Variants in ADD2 observed in about 807,000 individuals in gnomAD.
ADD2 encodes the protein beta-adducin.
ADD2 carries 23 observed loss-of-function variants against 83.0 expected under a neutral mutation model. The ratio of observed to expected loss-of-function variants is 0.28; its 90% CI spans 0.20 to 0.39. The LOEUF (loss-of-function observed/expected upper bound fraction) is 0.39. ADD2 is among the 10% of genes least tolerant of loss of function. The pLI, the probability that ADD2 is intolerant of heterozygous loss-of-function variation, is 1.00. For synonymous variants in ADD2, 375 were observed against 375.4 expected (o/e 1.00, Z 0.01); for missense variants, 758 against 944.9 (o/e 0.80, Z 2.59).
chr2:70,692,559 C>G lies in ADD2; in HGVS notation c.556-7G>C, dbSNP rs782750256. On this transcript the variant is annotated splice_polypyrimidine_tract_variant and splice_region_variant and intron_variant, in intron 6 of 15. Coordinates refer to ENST00000264436, the MANE Select transcript of ADD2 (RefSeq NM_001617.4). Reference sequence around the variant, plus strand: ...CCAGAATGTTCACCTTGATCTGCGCCAGGGAAGAAGAGAGACTTATGGCAA... The same window carrying G: ...CCAGAATGTTCACCTTGATCTGCGCGAGGGAAGAAGAGAGACTTATGGCAA... 6.3e-7 allele frequency: 1 copy of G among 1,593,546 alleles called. No individual in the cohort carries two copies. Among genetic ancestry groups the G allele is most frequent in the Non-Finnish European group, 8.5e-7 (1 of 1,170,662 alleles).
chr2:70,761,777 T>G (rs1675117146), intron 1 of ADD2, among the ~76,000 whole-genome samples: 1 of 150,616 alleles, frequency 6.6e-6, no homozygotes, highest in African/African-American at 2.5e-5. Flanking sequence ...GTTCATGCCA[T>G]TCTCCTGCCT....
At chr2:70,743,273 T>C (rs554356706) in intron 1 of ADD2, among the ~76,000 whole-genome samples, 1 of 152,222 alleles carries the variant, frequency 6.6e-6, no homozygotes, top group Non-Finnish European at 1.5e-5. Flanking sequence ...TGTAATTGGA[T>C]AATACATACA....
intron 4 of ADD2, among the ~76,000 whole-genome samples, chr2:70,698,719 AAAT>A (rs1553373087): frequency 6.6e-6 from 1 of 152,176 alleles, no homozygotes; most frequent in East Asian, 1.9e-4. Flanking sequence ...TTTAAAAAGA[AAAT>A]AATATTACAA....
chr2:70,692,445 G>A lies in ADD2; in HGVS notation c.663C>T (p.Asp221=), dbSNP rs782635206. The change falls in exon 7 of 16, where the codon GAC becomes GAT. Residue 221 remains aspartate, a synonymous_variant. Transcript: ENST00000264436. ...TGTGCAGGTGGATGATGCAGCGCACGTCGGGCCTCGCTGCATAGATGGCCG... is the reference window on the plus strand; with the variant it reads ...TGTGCAGGTGGATGATGCAGCGCACATCGGGCCTCGCTGCATAGATGGCCG... ...LHSAIYAARP[D]VRCIIHLHTP... 4.7e-5 allele frequency: 75 copies of A among 1,609,782 alleles called. No individual in the cohort carries two copies. The Admixed American group carries it at 6.9e-4, about 15-fold the overall frequency.
chr2:70,660,155 A>G lies in ADD2; in HGVS notation c.*3270T>C, dbSNP rs1204421364. 7.2e-5 allele frequency: 11 copies of G among 152,240 alleles called. No homozygotes were observed. The highest frequency in any genetic ancestry group is 7.2e-4 in the Admixed American group (11 of 15,290). The allele number at this position is 152,240 out of a possible 1,614,324, so 9.4% of individuals were successfully genotyped here. On this transcript the variant is annotated 3_prime_UTR_variant, in exon 16 of 16. Transcript: ENST00000264436. ...CTGTAGCATTTGGTGCATGTCCTCA[A>G]GCCTGGAGCTAAATGTGCCACATTC...
At chr2:70,735,761 G>A (rs1553380002) in intron 1 of ADD2, among the ~76,000 whole-genome samples, 3 of 145,206 alleles carry the variant, frequency 2.1e-5, no homozygotes, top group East Asian at 2.0e-4. Flanking sequence ...TCACTCCGTC[G>A]CCCAGGCTGG....
chr2:70,757,030 G>A (rs932943704), intron 1 of ADD2, among the ~76,000 whole-genome samples: 1 of 152,152 alleles, frequency 6.6e-6, no homozygotes, highest in Non-Finnish European at 1.5e-5. Context: ...GTTTCACCAA[G>A]TTGGTCAGGC....
chr2:70,708,674 CAT>C (rs1462744343), intron 2 of ADD2, among the ~76,000 whole-genome samples: 4 of 152,210 alleles, frequency 2.6e-5, no homozygotes, highest in African/African-American at 9.6e-5. Flanking sequence ...TGGCCTGGGA[CAT>C]GTTACATTAA....
intron 15 of ADD2, among the ~76,000 whole-genome samples, chr2:70,665,556 G>A (rs1375200342): frequency 6.6e-6 from 1 of 152,040 alleles, no homozygotes; most frequent in Non-Finnish European, 1.5e-5. Flanking sequence ...TTCCCACTTC[G>A]CCTGCTTCCT....
chr2:70,664,810 T>G (rs1362733205), intron 15 of ADD2, among the ~76,000 whole-genome samples: 1 of 151,732 alleles, frequency 6.6e-6, no homozygotes, highest in Non-Finnish European at 1.5e-5. Flanking sequence ...TGTGTAAGTT[T>G]GAGTATGCAA....
In ADD2 at chr2:70,661,985, G is replaced by T. The variant is rs1675552649; in HGVS notation, c.*1440C>A. On this transcript the variant is annotated 3_prime_UTR_variant, in exon 16 of 16. Transcript: ENST00000264436. ...ACCCCCCTCAAAGGATTACTGTGAGGGTTAAAGAATGTAATGTATGTGAAG... is the reference window on the plus strand; with the variant it reads ...ACCCCCCTCAAAGGATTACTGTGAGTGTTAAAGAATGTAATGTATGTGAAG... 6.6e-6 allele frequency: 1 copy of T among 152,168 alleles called. No homozygotes were observed. The highest frequency in any genetic ancestry group is 1.5e-5 in the Non-Finnish European group (1 of 68,030). The allele number at this position is 152,168 out of a possible 1,614,324, so 9.4% of individuals were successfully genotyped here.
At chr2:70,684,023 C>A (rs1670596594) in intron 9 of ADD2, among the ~76,000 whole-genome samples, 1 of 152,170 alleles carries the variant, frequency 6.6e-6, no homozygotes, top group Admixed American at 6.5e-5. Flanking sequence ...AAACAGAGGA[C>A]TGAAAGTTAC....
At chr2:70,753,124 A>G (rs546826122) in intron 1 of ADD2, among the ~76,000 whole-genome samples, 1 of 152,352 alleles carries the variant, frequency 6.6e-6, no homozygotes, top group African/African-American at 2.4e-5. Context: ...ACTGCACAGA[A>G]GAAAAGGAGG....
chr2:70,658,664 G>A lies in ADD2; in HGVS notation c.*4761C>T, dbSNP rs1553364497. 1.3e-5 allele frequency: 2 copies of A among 152,128 alleles called. No individual in the cohort carries two copies. The highest frequency in any genetic ancestry group is 4.8e-5 in the African/African-American group (2 of 41,416). The allele number at this position is 152,128 out of a possible 1,614,324, so 9.4% of individuals were successfully genotyped here. A position where few individuals can be genotyped will look rare whatever the true frequency, so the allele number is the denominator to read the frequency against. ...TCTTAGAGTTCAACTGAGCTCCAGT[G>A]ATGAGAGAGAATGTAAAAAGACCTG... On this transcript the variant is annotated 3_prime_UTR_variant, in exon 16 of 16. Coordinates refer to ENST00000264436, the MANE Select transcript of ADD2 (RefSeq NM_001617.4).
At chr2:70,765,626 T>C (rs1553385870) in intron 1 of ADD2, among the ~76,000 whole-genome samples, 2 of 152,204 alleles carry the variant, frequency 1.3e-5, no homozygotes, top group Non-Finnish European at 2.9e-5. Context: ...GTTTGTTGAG[T>C]GAAGAAGTGT....
At chr2:70,751,120 T>C (rs1239299288) in intron 1 of ADD2, among the ~76,000 whole-genome samples, 2 of 152,224 alleles carry the variant, frequency 1.3e-5, no homozygotes, top group African/African-American at 4.8e-5. Context: ...CTTGGATCAG[T>C]GCCTTATCTT....
Position 70,661,273 on chromosome 2 carries a change from C to T in ADD2, c.*2152G>A, listed in dbSNP as rs1428496985. 6.6e-6 allele frequency: 1 copy of T among 152,208 alleles called. No individual in the cohort carries two copies. The allele number at this position is 152,208 out of a possible 1,614,324, so 9.4% of individuals were successfully genotyped here. A position where few individuals can be genotyped will look rare whatever the true frequency, so the allele number is the denominator to read the frequency against. On this transcript the variant is annotated 3_prime_UTR_variant, in exon 16 of 16. Coordinates refer to ENST00000264436, the MANE Select transcript of ADD2 (RefSeq NM_001617.4). ...TATTATTCTAGTCATAATGATGGCT[C>T]TCTTTCAACGTCAGCATAATGCCTG...
At chr2:70,686,627 A>C (rs1670739389) in intron 9 of ADD2, among the ~76,000 whole-genome samples, 1 of 152,130 alleles carries the variant, frequency 6.6e-6, no homozygotes, top group Admixed American at 6.5e-5. Flanking sequence ...GAAGATAGGG[A>C]GCTCTTAAGA....
At chr2:70,684,361 C>T (rs1558530363) in intron 9 of ADD2, among the ~76,000 whole-genome samples, 2 of 152,208 alleles carry the variant, frequency 1.3e-5, no homozygotes, top group Admixed American at 1.3e-4. Context: ...TATCCTCCCA[C>T]CTCAGCCTCC....
Sources: allele counts gnomAD v4.1 joint callset (sites outside exome capture counted in the v4.1 genomes callset), GRCh38; gene constraint gnomAD v4.1.1; transcripts MANE v1.5; gene names NCBI Gene and HGNC (gene_info 2026-07-23, HGNC 2026-07-21).